Variants in CCDC85C observed in about 807,000 individuals in gnomAD.
CCDC85C encodes coiled-coil domain containing 85C, also known as coiled-coil domain-containing protein 85C.
A neutral mutation model predicts 38.3 loss-of-function variants in CCDC85C; 18 were observed. The observed-to-expected ratio is 0.47, with a 90% CI of 0.33 to 0.70. CCDC85C has a LOEUF of 0.70. CCDC85C is among the 30% of genes least tolerant of loss of function. The probability of loss-of-function intolerance (pLI) is 0.03; values close to 1 mark genes in which losing one functional copy is unlikely to be tolerated. For synonymous variants in CCDC85C, 264 were observed against 293.8 expected, an observed-to-expected ratio of 0.90 and a Z score of 1.04; for missense variants, 566 against 621.2, an observed-to-expected ratio of 0.91 and a Z score of 0.94.
Position 99,510,114 on chromosome 14 carries a change from A to G in CCDC85C, c.*5132T>C. 6.4e-7 allele frequency: 1 copy of G among 1,554,598 alleles called. No homozygotes were observed. Among genetic ancestry groups the G allele is most frequent in the Non-Finnish European group, 8.7e-7 (1 of 1,155,858 alleles). On this transcript the variant is annotated 3_prime_UTR_variant, in exon 6 of 6. Transcript: ENST00000380243. The stretch of plus-strand genomic sequence containing the variant: ...GCCAGGAGGCACTGAAAAAGCAACC[A>G]TTGCTGGCGGAGGCCGGGCACTGAT...
chr14:99,577,778 C>T (rs537944749), intron 1 of CCDC85C, among the ~76,000 whole-genome samples: 2 of 143,994 alleles, frequency 1.4e-5, no homozygotes, highest in Admixed American at 6.9e-5. Context: ...CCATACAGCC[C>T]GTCCTGTATC....
Position 99,516,535 on chromosome 14 carries a change from AG to A in CCDC85C, c.1072-250del, listed in dbSNP as rs1897228607. ...CGGGAGGAAGTAGACAGGCTGGGCAAGGAAGACCCTCAGACAGGTGGACTCA... is the reference window on the plus strand; with the variant it reads ...CGGGAGGAAGTAGACAGGCTGGGCAAGAAGACCCTCAGACAGGTGGACTCA... On this transcript the variant is annotated intron_variant, in intron 4 of 5. Transcript: ENST00000380243. The surrounding 1 kb of genome is among the most constrained non-coding windows in gnomAD (Gnocchi z 5.5). Among the ~76,000 whole-genome samples the A allele has an allele frequency of 6.6e-6, 1 of 152,134 alleles. No homozygotes were observed. Among genetic ancestry groups the A allele is most frequent in the African/African-American group, 2.4e-5 (1 of 41,426 alleles).
intron 3 of CCDC85C, among the ~76,000 whole-genome samples, chr14:99,519,699 C>T (rs1391889458): frequency 6.6e-6 from 1 of 152,206 alleles, no homozygotes; most frequent in Non-Finnish European, 1.5e-5. Flanking sequence ...TCCACCCACA[C>T]AATGGAATAG....
At chr14:99,555,721 CTG>C (rs1393830766) in intron 1 of CCDC85C, among the ~76,000 whole-genome samples, 6 of 152,234 alleles carry the variant, frequency 3.9e-5, no homozygotes, top group Non-Finnish European at 8.8e-5. Context: ...AGACAGCTAA[CTG>C]TGGATGCTGA....
chr14:99,501,494 A>G lies in CCDC85C; in HGVS notation c.*13752T>C, dbSNP rs574365010. On this transcript the variant is annotated 3_prime_UTR_variant, in exon 6 of 6. Transcript: ENST00000380243. ...ATGGACCATTTCATCTAAACCCCTC[A>G]TTTTGTGTCAGAAGAAACTGACTTG... is the stretch of plus-strand genomic sequence containing the variant. 179 of 973,160 alleles carry G rather than the reference A, an allele frequency of 1.8e-4. No individual in the cohort carries two copies. Among genetic ancestry groups the G allele is most frequent in the African/African-American group, 1.7e-3 (104 of 61,946 alleles). The allele number at this position is 973,160 out of a possible 1,614,324, so 60.3% of individuals were successfully genotyped here.
chr14:99,515,504 A>G (rs1897208296), intron 5 of CCDC85C, among the ~76,000 whole-genome samples, 169 bp from the exon 6 acceptor site: 1 of 152,196 alleles, frequency 6.6e-6, no homozygotes, highest in Non-Finnish European at 1.5e-5. Flanking sequence ...AGGTCTTTGC[A>G]TGCCGCGCTA....
rs1202182132 is a variant in CCDC85C at position 99,533,847 on chromosome 14, G to A, written c.867+2168C>T. Among the ~76,000 whole-genome samples, 4 of 152,214 alleles carry A rather than the reference G, an allele frequency of 2.6e-5. No individual in the cohort carries two copies. The highest frequency in any genetic ancestry group is 1.5e-5 in the Non-Finnish European group (1 of 68,026). On this transcript the variant is annotated intron_variant, in intron 2 of 5. Coordinates refer to ENST00000380243, the MANE Select transcript of CCDC85C (RefSeq NM_001144995.2). This position sits in a 1 kb window ranked among gnomAD's most constrained non-coding sequence, Gnocchi z 4.2. Reference sequence around the variant, plus strand: ...TGGAGGGCCCCCTGTGAGACCGGGGGGCACCCCAGGAAGGAAGGCAGGAAG... The same window carrying A: ...TGGAGGGCCCCCTGTGAGACCGGGGAGCACCCCAGGAAGGAAGGCAGGAAG...
chr14:99,536,890 G>T (rs554842674), intron 1 of CCDC85C, among the ~76,000 whole-genome samples: 2 of 152,126 alleles, frequency 1.3e-5, no homozygotes, highest in Non-Finnish European at 2.9e-5. Flanking sequence ...CCATACCCCT[G>T]GTCCTGCCTC....
rs1363849142 is a variant in CCDC85C at position 99,510,377 on chromosome 14, C to A, written c.*4869G>T. 12 of 1,580,654 alleles carry A rather than the reference C, an allele frequency of 7.6e-6. No homozygotes were observed. The highest frequency in any genetic ancestry group is 1.0e-5 in the Non-Finnish European group (12 of 1,165,054). ...ACATGTCTGGAGAGGGCTACCAGAG[C>A]CTGCAGTCCATGATGAAGACCGAGG... On this transcript the variant is annotated 3_prime_UTR_variant, in exon 6 of 6. Coordinates refer to ENST00000380243, the MANE Select transcript of CCDC85C (RefSeq NM_001144995.2).
Position 99,503,356 on chromosome 14 carries a change from A to C in CCDC85C, c.*11890T>G. 3.3e-6 allele frequency: 2 copies of C among 602,650 alleles called. No individual in the cohort carries two copies. The highest frequency in any genetic ancestry group is 5.5e-5 in the East Asian group (2 of 36,248). 37.3% of individuals were successfully genotyped at this position (602,650 alleles called of 1,614,324 possible). A position where few individuals can be genotyped will look rare whatever the true frequency, so the allele number is the denominator to read the frequency against. ...CTGCACCCAAGTGGTCCTGAAACTT[A>C]GTGTTTACTCAGAACTCACCATTCA... On this transcript the variant is annotated 3_prime_UTR_variant, in exon 6 of 6. Coordinates refer to ENST00000380243, the MANE Select transcript of CCDC85C (RefSeq NM_001144995.2).
chr14:99,601,433 C>T (rs1019282003), intron 1 of CCDC85C, among the ~76,000 whole-genome samples: 2 of 152,178 alleles, frequency 1.3e-5, no homozygotes, highest in African/African-American at 4.8e-5. Context: ...GCCCAAAACT[C>T]GACAGAGCCT....
chr14:99,500,920 T>G lies in CCDC85C; in HGVS notation c.*14326A>C, dbSNP rs183907313. ...ATTTTTTCATTCTGAAATCAAGTCTTTATAATTTGATGACACTCAAATTAC... is the reference window on the plus strand; with the variant it reads ...ATTTTTTCATTCTGAAATCAAGTCTGTATAATTTGATGACACTCAAATTAC... On this transcript the variant is annotated 3_prime_UTR_variant, in exon 6 of 6. Transcript: ENST00000380243. 8 of 1,171,950 alleles carry G rather than the reference T, an allele frequency of 6.8e-6. No individual in the cohort carries two copies. Among genetic ancestry groups the G allele is most frequent in the Admixed American group, 2.5e-5 (1 of 40,536 alleles). 72.6% of individuals were successfully genotyped at this position (1,171,950 alleles called of 1,614,324 possible).
At chr14:99,600,311 C>T (rs192133750) in intron 1 of CCDC85C, among the ~76,000 whole-genome samples, 17 of 152,266 alleles carry the variant, frequency 1.1e-4, no homozygotes, top group African/African-American at 3.6e-4. Flanking sequence ...AGAAGAGGAG[C>T]ACAGAGAGGC....
intron 1 of CCDC85C, among the ~76,000 whole-genome samples, chr14:99,567,766 G>A (rs750107991): frequency 3.9e-5 from 6 of 152,240 alleles, no homozygotes; most frequent in South Asian, 2.1e-4. Context: ...AGGAGCTTGC[G>A]GTGAGCCTAG....
chr14:99,543,775 G>A (rs966994470), intron 1 of CCDC85C, among the ~76,000 whole-genome samples: 1 of 152,158 alleles, frequency 6.6e-6, no homozygotes. Context: ...CACAGCTCTC[G>A]GAGGGGCAGG....
intron 1 of CCDC85C, among the ~76,000 whole-genome samples, chr14:99,577,862 T>C (rs1481525990): frequency 6.8e-6 from 1 of 147,504 alleles, no homozygotes; most frequent in Non-Finnish European, 1.5e-5. Flanking sequence ...TCAGTGTGTG[T>C]GTGTGTGCGT....
At position 99,603,238 on chromosome 14, in the gene CCDC85C, C is replaced by A; in HGVS notation, c.722G>T (p.Gly241Val). Residue 241 changes from glycine to valine, a missense_variant, in exon 1 of 6, where the codon GGA (glycine) becomes GTA (valine). This residue lies in a region of CCDC85C where 286 missense variants were observed against 276.4 expected (regional missense o/e 1.03). Coordinates refer to ENST00000380243, the MANE Select transcript of CCDC85C (RefSeq NM_001144995.2). This position sits in a 1 kb window ranked among gnomAD's most constrained non-coding sequence, Gnocchi z 7.5. ...GTCGTCCAGGGACCGACGTGTGGCT[C>A]CTGCCTTGCCGTCGGGGGCCTTGTG... is the stretch of plus-strand genomic sequence containing the variant. ...GPHKAPDGKA[G>V]ATRRSLDDLS... The A allele has an allele frequency of 7.1e-7, 1 of 1,406,038 alleles. No individual in the cohort carries two copies. The allele number at this position is 1,406,038 out of a possible 1,614,324, so 87.1% of individuals were successfully genotyped here.
chr14:99,586,757 G>A (rs994736914), intron 1 of CCDC85C, among the ~76,000 whole-genome samples: 8 of 152,218 alleles, frequency 5.3e-5, no homozygotes, highest in Non-Finnish European at 8.8e-5. Flanking sequence ...GCAATGTGTC[G>A]GCGGGGGACC....
At chr14:99,579,860 G>A (rs566035190) in intron 1 of CCDC85C, among the ~76,000 whole-genome samples, 24 of 152,222 alleles carry the variant, frequency 1.6e-4, no homozygotes, top group Admixed American at 1.0e-3. Context: ...AGACACACAC[G>A]GTTGTTGGTC....
Sources: gnomAD v4.1 joint callset for allele counts (sites outside exome capture counted in the v4.1 genomes callset) on GRCh38, gnomAD v4.1.1 for gene constraint, gnomAD v4.1.1 regional missense constraint, Gnocchi (gnomAD v3.1) non-coding constraint, MANE v1.5 for transcripts, NCBI Gene and HGNC (gene_info 2026-07-23, HGNC 2026-07-21) for gene names.